Variants in PLCL2 observed in about 807,000 individuals in gnomAD.
PLCL2 encodes inactive phospholipase C-like protein 2.
Under a neutral mutation model 79.6 loss-of-function variants are expected in PLCL2, and 4 were observed. That is an observed-to-expected ratio of 0.05 (90% CI 0.02 to 0.11). PLCL2 has a LOEUF of 0.11. Ranked by LOEUF, PLCL2 falls within the 10% of genes least tolerant of loss-of-function variation. PLCL2 has a pLI of 1.00. For missense variants in PLCL2, 895 were observed against 1,291.0 expected, an observed-to-expected ratio of 0.69 and a Z score of 4.70; for synonymous variants, 484 against 457.7, an observed-to-expected ratio of 1.06 and a Z score of -0.73.
At chr3:17,004,775 G>GC (rs1211354477) in intron 1 of PLCL2, among the ~76,000 whole-genome samples, 52 of 151,658 alleles carry the variant, frequency 3.4e-4, no homozygotes, top group African/African-American at 1.2e-3. Flanking sequence ...GTTCTTTCTT[G>GC]GGTTTTTTTG....
At chr3:16,945,531 A>T (rs1193991853) in intron 1 of PLCL2, among the ~76,000 whole-genome samples, 2 of 151,678 alleles carry the variant, frequency 1.3e-5, no homozygotes, top group Non-Finnish European at 2.9e-5. Context: ...CCAGTCTCCT[A>T]CTCTCAGTTT....
intron 1 of PLCL2, among the ~76,000 whole-genome samples, chr3:16,944,375 T>C (rs115543373): frequency 0.021 from 3,175 of 152,280 alleles, 54 homozygotes; most frequent in South Asian, 0.043. Flanking sequence ...GCCAAGAACA[T>C]TGGAGTCATC....
At chr3:17,016,496 C>G (rs923523404) in intron 3 of PLCL2, among the ~76,000 whole-genome samples, 4 of 152,114 alleles carry the variant, frequency 2.6e-5, no homozygotes, top group Admixed American at 6.6e-5. Flanking sequence ...GTCTGATGAG[C>G]CTCAGGTGCT....
chr3:16,941,881 G>T (rs1031443772), intron 1 of PLCL2, among the ~76,000 whole-genome samples: 4 of 151,652 alleles, frequency 2.6e-5, no homozygotes, highest in Admixed American at 2.0e-4. Flanking sequence ...AAAAAAAAAG[G>T]CTTGGAAAAC....
chr3:16,987,507 A>G (rs532719931), intron 1 of PLCL2, among the ~76,000 whole-genome samples: 9 of 152,256 alleles, frequency 5.9e-5, no homozygotes, highest in Non-Finnish European at 7.4e-5. Flanking sequence ...TCTTTACAAC[A>G]TTGTTGAATT....
intron 1 of PLCL2, among the ~76,000 whole-genome samples, chr3:16,974,046 C>G (rs1343837659): frequency 6.6e-6 from 1 of 152,072 alleles, no homozygotes; most frequent in African/African-American, 2.4e-5. Context: ...AAAGGGCATT[C>G]TAGGCAACTA....
At chr3:16,993,322 GGTGGTTCCAGCCATTCCT>G (rs1432684730) in intron 1 of PLCL2, among the ~76,000 whole-genome samples, 2 of 152,156 alleles carry the variant, frequency 1.3e-5, no homozygotes, top group Non-Finnish European at 2.9e-5. Flanking sequence ...ACCAGTTGCT[GGTGGTTCCAGCCATTCCT>G]GTGGTTTGCA....
intron 1 of PLCL2, among the ~76,000 whole-genome samples, chr3:16,938,571 C>T (rs1019907516): frequency 6.6e-6 from 1 of 152,042 alleles, no homozygotes; most frequent in African/African-American, 2.4e-5. Flanking sequence ...TTGATTGTCC[C>T]TTATTTAAAT....
intron 4 of PLCL2, among the ~76,000 whole-genome samples, chr3:17,059,681 G>A (rs983780273): frequency 6.6e-6 from 1 of 152,106 alleles, no homozygotes; most frequent in African/African-American, 2.4e-5. Context: ...CGTTTGTGCT[G>A]TGTGTGCATC....
intron 1 of PLCL2, among the ~76,000 whole-genome samples, chr3:17,006,582 G>T (rs2064262182): frequency 6.6e-6 from 1 of 152,194 alleles, no homozygotes; most frequent in Non-Finnish European, 1.5e-5. Context: ...TTCAGGCCTT[G>T]GTGTGCTATG....
chr3:16,910,855 C>T (rs1487573878), intron 1 of PLCL2, among the ~76,000 whole-genome samples: 1 of 152,074 alleles, frequency 6.6e-6, no homozygotes, highest in African/African-American at 2.4e-5. Flanking sequence ...ATCCTTGACT[C>T]CTTTCTTATC....
At chr3:17,079,775 C>T (rs1422370885) in intron 5 of PLCL2, among the ~76,000 whole-genome samples, 1 of 152,132 alleles carries the variant, frequency 6.6e-6, no homozygotes, top group African/African-American at 2.4e-5. Context: ...TTGTACAAAC[C>T]TCTGAGCACA....
chr3:16,957,974 CTT>C (rs1424263642), intron 1 of PLCL2, among the ~76,000 whole-genome samples: 12 of 152,162 alleles, frequency 7.9e-5, no homozygotes, highest in African/African-American at 2.9e-4. Flanking sequence ...GGTCTTGACT[CTT>C]TATCCAATTT....
intron 1 of PLCL2, among the ~76,000 whole-genome samples, chr3:16,960,221 GA>G (rs2063742791): frequency 6.6e-6 from 1 of 152,156 alleles, no homozygotes; most frequent in South Asian, 2.1e-4. Context: ...TGATTTAGCT[GA>G]AAATCAAGAA....
chr3:17,025,474 G>A (rs2064507169), intron 3 of PLCL2, among the ~76,000 whole-genome samples: 1 of 152,142 alleles, frequency 6.6e-6, no homozygotes, highest in South Asian at 2.1e-4. Flanking sequence ...GTGGACATGA[G>A]CTTTTGGGAT....
At chr3:17,049,630 C>T (rs1434290792) in intron 4 of PLCL2, among the ~76,000 whole-genome samples, 3 of 151,944 alleles carry the variant, frequency 2.0e-5, no homozygotes, top group Non-Finnish European at 4.4e-5. Flanking sequence ...AGAAGTGAAA[C>T]ATCTCTATTA....
At chr3:17,077,747 G>A (rs2065121822) in intron 5 of PLCL2, among the ~76,000 whole-genome samples, 1 of 152,158 alleles carries the variant, frequency 6.6e-6, no homozygotes, top group African/African-American at 2.4e-5. Flanking sequence ...CAGAGGAGTC[G>A]CCACAGATGC....
At chr3:17,083,137 T>C (rs2065180720) in intron 5 of PLCL2, among the ~76,000 whole-genome samples, 2 of 151,886 alleles carry the variant, frequency 1.3e-5, no homozygotes, top group South Asian at 4.2e-4. Context: ...AGTATGGCAA[T>C]AGGTGTTATG....
At chr3:17,080,632 G>A (rs544034703) in intron 5 of PLCL2, among the ~76,000 whole-genome samples, 1 of 152,088 alleles carries the variant, frequency 6.6e-6, no homozygotes, top group Non-Finnish European at 1.5e-5. Flanking sequence ...TGTATTTTTA[G>A]TAGAGACAGG....
Sources: gnomAD v4.1 joint callset for allele counts (sites outside exome capture counted in the v4.1 genomes callset) on GRCh38, gnomAD v4.1.1 for gene constraint, MANE v1.5 for transcripts, NCBI Gene and HGNC (gene_info 2026-07-23, HGNC 2026-07-21) for gene names.